The following ACTR2 variants were observed in gnomAD, a reference collection of about 807,000 sequenced individuals.
ACTR2 encodes actin-related protein 2.
In ACTR2, 5 loss-of-function variants were observed where a neutral mutation model predicts 50.2. The ratio of observed to expected loss-of-function variants is 0.10; its 90% CI spans 0.05 to 0.21. The LOEUF is 0.21. Among genes scored for constraint, ACTR2 ranks in the 10% least tolerant of loss-of-function variants. The probability of loss-of-function intolerance (pLI) is 1.00; values close to 1 mark genes in which losing one functional copy is unlikely to be tolerated. For synonymous variants in ACTR2, 140 were observed against 162.9 expected (o/e 0.86, Z 1.07); for missense variants, 180 against 480.6 (o/e 0.37, Z 5.85).
chr2:65,246,346 A>C, intron 2 of ACTR2, 178 bp from the exon 3 acceptor site: 1 of 513,206 alleles, frequency 1.9e-6, no homozygotes, highest in African/African-American at 2.0e-5. Context: ...ATTGTATGTA[A>C]AAATGTATTA....
At chr2:65,245,380 C>T (rs1471006866) in intron 2 of ACTR2, among the ~76,000 whole-genome samples, 3 of 151,708 alleles carry the variant, frequency 2.0e-5, no homozygotes, top group Admixed American at 6.6e-5. Context: ...ATTAGCCAGG[C>T]GTGGTGGCAG....
chr2:65,248,431 G>A (rs750427618), intron 3 of ACTR2, among the ~76,000 whole-genome samples: 3 of 152,046 alleles, frequency 2.0e-5, no homozygotes, highest in Non-Finnish European at 2.9e-5. Flanking sequence ...GGCTTTTACT[G>A]TGGGTGAAAT....
chr2:65,250,236 C>T lies in ACTR2; in HGVS notation c.376-791C>T, dbSNP rs543692121. Among the ~76,000 whole-genome samples the T allele has an allele frequency of 2.6e-4, 39 of 151,596 alleles. No homozygotes were observed. The East Asian group carries it at 3.3e-3, about 13-fold the overall frequency. ...AAAATTAGCCGGGTGTGGTGGTGTA[C>T]GCCTGTAGTCCCAGCTACTCGGGAG... is the stretch of plus-strand genomic sequence containing the variant. On this transcript the variant is annotated intron_variant, in intron 3 of 8. Coordinates refer to ENST00000260641, the MANE Select transcript of ACTR2 (RefSeq NM_005722.4).
intron 8 of ACTR2, 109 bp from the exon 9 acceptor site, chr2:65,268,455 A>T: frequency 1.1e-6 from 1 of 947,048 alleles, no homozygotes; most frequent in Non-Finnish European, 1.6e-6. Context: ...TACTTATATT[A>T]CAGGACTGTT....
At chr2:65,244,519 A>G (rs1164277783) in intron 2 of ACTR2, among the ~76,000 whole-genome samples, 1 of 152,196 alleles carries the variant, frequency 6.6e-6, no homozygotes, top group Non-Finnish European at 1.5e-5. Context: ...TTCATTCATC[A>G]GTGCATCTTG....
intron 6 of ACTR2, among the ~76,000 whole-genome samples, chr2:65,259,417 A>G (rs544886296): frequency 1.3e-5 from 2 of 151,796 alleles, no homozygotes; most frequent in African/African-American, 4.8e-5. Flanking sequence ...TGAAGACCCT[A>G]TCTCAAAAAA....
chr2:65,251,928 C>T (rs1485881846), intron 4 of ACTR2, among the ~76,000 whole-genome samples: 1 of 143,566 alleles, frequency 7.0e-6, no homozygotes, highest in Non-Finnish European at 1.5e-5. Flanking sequence ...TGGGAGAGCT[C>T]TTTTTTTTTT....
At chr2:65,231,787 G>A (rs1671641409) in intron 1 of ACTR2, among the ~76,000 whole-genome samples, 1 of 152,012 alleles carries the variant, frequency 6.6e-6, no homozygotes, top group Admixed American at 6.6e-5. Context: ...GGCTTCCCTG[G>A]GCCACATTGG....
intron 1 of ACTR2, among the ~76,000 whole-genome samples, chr2:65,231,980 G>A (rs11688978): frequency 0.011 from 1,622 of 152,338 alleles, 14 homozygotes; most frequent in Middle Eastern, 0.041. Context: ...ACGATCACAT[G>A]ACCAATGTTG....
chr2:65,238,283 T>C (rs895770752), intron 1 of ACTR2, among the ~76,000 whole-genome samples: 3 of 152,236 alleles, frequency 2.0e-5, no homozygotes, highest in Non-Finnish European at 2.9e-5. Flanking sequence ...GGAAGTCTTA[T>C]CACAATGATA....
At chr2:65,244,291 AATCTGTT>A (rs1319667552) in intron 2 of ACTR2, among the ~76,000 whole-genome samples, 1 of 152,186 alleles carries the variant, frequency 6.6e-6, no homozygotes, top group Non-Finnish European at 1.5e-5. Flanking sequence ...CTAATTATCT[AATCTGTT>A]ATCTTGTACA....
intron 2 of ACTR2, chr2:65,246,185 G>A (rs1671935773): frequency 5.7e-6 from 1 of 175,530 alleles, no homozygotes; most frequent in East Asian, 1.7e-4. Flanking sequence ...CATATCACAG[G>A]CCTTATTTTT....
At chr2:65,250,447 G>A (rs1331013165) in intron 3 of ACTR2, among the ~76,000 whole-genome samples, 1 of 151,948 alleles carries the variant, frequency 6.6e-6, no homozygotes. Flanking sequence ...GGCCGAGGTG[G>A]GTGGATCATG....
chr2:65,252,366 T>C (rs1460678093), intron 4 of ACTR2, among the ~76,000 whole-genome samples: 5 of 151,776 alleles, frequency 3.3e-5, no homozygotes, highest in African/African-American at 4.8e-5. Flanking sequence ...TTAGGCCGGG[T>C]GTGGTGGCTC....
intron 4 of ACTR2, among the ~76,000 whole-genome samples, chr2:65,252,423 G>A (rs988338435): frequency 1.3e-5 from 2 of 149,858 alleles, no homozygotes; most frequent in African/African-American, 2.5e-5. Context: ...GGTGGATCAC[G>A]AGGTCAGGAG....
chr2:65,233,886 C>T (rs1280993156), intron 1 of ACTR2, among the ~76,000 whole-genome samples: 6 of 152,084 alleles, frequency 3.9e-5, no homozygotes, highest in African/African-American at 1.2e-4. Context: ...GCTGGGATTA[C>T]AGGTGTGAGC....
chr2:65,261,301 G>A lies in ACTR2; in HGVS notation c.790G>A (p.Ala264Thr). 2 of 1,614,066 alleles carry A rather than the reference G, an allele frequency of 1.2e-6. No individual in the cohort carries two copies. Among genetic ancestry groups the A allele is most frequent in the Non-Finnish European group, 1.7e-6 (2 of 1,180,012 alleles). The change falls in exon 7 of 9, where the codon GCT becomes ACT. Residue 264 changes from alanine to threonine, a missense_variant. Transcript: ENST00000260641. ...GGGAGAGAGATTTGAAGCACCAGAA[G>A]CTTTATTTCAGCCTCACTTGATCAA... Reference protein sequence around the residue: ...VGGERFEAPEALFQPHLINVE... With the variant: ...VGGERFEAPETLFQPHLINVE...
chr2:65,245,588 T>C (rs550909815), intron 2 of ACTR2, among the ~76,000 whole-genome samples: 1 of 152,228 alleles, frequency 6.6e-6, no homozygotes, highest in Non-Finnish European at 1.5e-5. Context: ...ACTTAACGTA[T>C]TGTAGCAAAT....
intron 1 of ACTR2, among the ~76,000 whole-genome samples, chr2:65,237,261 T>C (rs372870359): frequency 1.3e-4 from 20 of 152,286 alleles, no homozygotes; most frequent in African/African-American, 4.8e-4. Flanking sequence ...CTAGACTATG[T>C]ATTATTTATT....
Sources: allele counts gnomAD v4.1 joint callset (sites outside exome capture counted in the v4.1 genomes callset), GRCh38; gene constraint gnomAD v4.1.1; transcripts MANE v1.5; gene names NCBI Gene and HGNC (gene_info 2026-07-23, HGNC 2026-07-21).